The following DZIP3 variants were observed in gnomAD, a reference collection of about 807,000 sequenced individuals.
The protein encoded by DZIP3 is DAZ interacting zinc finger protein 3.
Under a neutral mutation model 162.0 loss-of-function variants are expected in DZIP3, and 118 were observed. The ratio of observed to expected loss-of-function variants is 0.73; its 90% CI spans 0.63 to 0.85. DZIP3 has a LOEUF of 0.85. DZIP3 is among the 40% of genes least tolerant of loss of function. The probability of loss-of-function intolerance (pLI) is 0.00; values close to 1 mark genes in which losing one functional copy is unlikely to be tolerated. For synonymous variants in DZIP3, 438 were observed against 458.6 expected, an observed-to-expected ratio of 0.96 and a Z score of 0.57; for missense variants, 1,331 against 1,407.0, an observed-to-expected ratio of 0.95 and a Z score of 0.86.
chr3:108,647,473 A>G (rs751904842), intron 15 of DZIP3, among the ~76,000 whole-genome samples: 2 of 152,184 alleles, frequency 1.3e-5, no homozygotes, highest in African/African-American at 2.4e-5. Flanking sequence ...CTGGGGCAAT[A>G]TCAAGGAGCA....
chr3:108,599,465 A>G (rs1394638444), intron 1 of DZIP3, among the ~76,000 whole-genome samples: 1 of 152,240 alleles, frequency 6.6e-6, no homozygotes, highest in East Asian at 1.9e-4. Flanking sequence ...GTTCATACTA[A>G]TTATTGCTAA....
chr3:108,609,608 G>A (rs1249179057), intron 3 of DZIP3, among the ~76,000 whole-genome samples: 1 of 152,154 alleles, frequency 6.6e-6, no homozygotes, highest in African/African-American at 2.4e-5. Context: ...AGGCTAATGT[G>A]GGCGGATTGA....
At chr3:108,602,651 G>A (rs763399223) in intron 1 of DZIP3, among the ~76,000 whole-genome samples, 68 of 152,110 alleles carry the variant, frequency 4.5e-4, no homozygotes, top group Admixed American at 8.5e-4. Flanking sequence ...TCATGTTAAC[G>A]CTTTCTTAAA....
intron 3 of DZIP3, among the ~76,000 whole-genome samples, chr3:108,608,514 TACAC>T (rs1168066021): frequency 6.6e-6 from 1 of 152,144 alleles, no homozygotes; most frequent in Non-Finnish European, 1.5e-5. Flanking sequence ...AAAACACACA[TACAC>T]ACATACAGAA....
chr3:108,626,346 G>T (rs1452723613), intron 7 of DZIP3, among the ~76,000 whole-genome samples: 1 of 152,096 alleles, frequency 6.6e-6, no homozygotes, highest in Non-Finnish European at 1.5e-5. Flanking sequence ...GGATTTTGCA[G>T]GTGATTAACA....
intron 5 of DZIP3, among the ~76,000 whole-genome samples, chr3:108,621,627 G>A (rs1317272552): frequency 6.6e-6 from 1 of 152,146 alleles, no homozygotes; most frequent in African/African-American, 2.4e-5. Context: ...GTGAGGATGT[G>A]GAGAAAAGAG....
At chr3:108,608,048 G>C in intron 2 of DZIP3, 41 bp from the exon 3 acceptor site, 1 of 1,497,926 alleles carries the variant, frequency 6.7e-7, no homozygotes, top group Non-Finnish European at 9.3e-7. Flanking sequence ...TGTTCTTTGT[G>C]AGAAGATGCT....
intron 21 of DZIP3, among the ~76,000 whole-genome samples, chr3:108,667,256 C>G (rs779064696): frequency 2.6e-5 from 4 of 151,916 alleles, no homozygotes; most frequent in Non-Finnish European, 5.9e-5. Context: ...ATAAAATTGA[C>G]AAACCTCTAG....
At chr3:108,623,163 A>T (rs895346637) in intron 5 of DZIP3, among the ~76,000 whole-genome samples, 9 of 151,944 alleles carry the variant, frequency 5.9e-5, no homozygotes, top group African/African-American at 1.9e-4. Flanking sequence ...GTTCTATCCC[A>T]CTGTGGCTGA....
At chr3:108,617,881 CT>C (rs1941103225) in intron 5 of DZIP3, among the ~76,000 whole-genome samples, 1 of 152,184 alleles carries the variant, frequency 6.6e-6, no homozygotes, top group African/African-American at 2.4e-5. Context: ...GCTTAGCCTT[CT>C]TTACTTAGAC....
intron 5 of DZIP3, among the ~76,000 whole-genome samples, chr3:108,621,170 T>C (rs993741262): frequency 3.9e-5 from 6 of 152,198 alleles, no homozygotes; most frequent in Non-Finnish European, 5.9e-5. Context: ...GTGTTCGTTA[T>C]ATTATTATTT....
In DZIP3 at chr3:108,633,086, C is replaced by G. The variant is rs1056097108; in HGVS notation, c.816+14C>G. On this transcript the variant is annotated intron_variant, in intron 9 of 32. Transcript: ENST00000361582. ...ACCAGTTATAAGGTACTGTAATTGT[C>G]AATTAACAGTATTTTTAAAAAGTAA... The G allele has an allele frequency of 7.5e-7, 1 of 1,333,650 alleles. No individual in the cohort carries two copies. The highest frequency in any genetic ancestry group is 2.9e-5 in the Admixed American group (1 of 34,520). The allele number at this position is 1,333,650 out of a possible 1,614,324, so 82.6% of individuals were successfully genotyped here.
intron 4 of DZIP3, among the ~76,000 whole-genome samples, chr3:108,613,637 C>T (rs1940843852): frequency 6.6e-6 from 1 of 152,138 alleles, no homozygotes; most frequent in Non-Finnish European, 1.5e-5. Context: ...CAGACTTGCT[C>T]TAATTGAGAC....
chr3:108,672,808 G>A (rs937222279), intron 23 of DZIP3, 152 bp downstream of exon 23: 2 of 655,840 alleles, frequency 3.0e-6, no homozygotes, highest in Non-Finnish European at 5.2e-6. Context: ...AAAGTCTTGT[G>A]CTTTTTTGAC....
At chr3:108,639,042 T>C (rs956941830) in intron 12 of DZIP3, among the ~76,000 whole-genome samples, 66 of 152,212 alleles carry the variant, frequency 4.3e-4, no homozygotes, top group African/African-American at 1.6e-3. Flanking sequence ...GTATATCTAG[T>C]TTACTATTTG....
In DZIP3 at chr3:108,601,221, T is replaced by C. The variant is rs146230873; in HGVS notation, c.-72-4114T>C. ...AGGGATACTTGGCAATATCTGGAGATATCGTTGATTGCCACAATGGGGCTG... is the reference window on the plus strand; with the variant it reads ...AGGGATACTTGGCAATATCTGGAGACATCGTTGATTGCCACAATGGGGCTG... On this transcript the variant is annotated intron_variant, in intron 1 of 32. Transcript: ENST00000361582. 4.6e-3 allele frequency among the ~76,000 whole-genome samples: 706 copies of C among 152,248 alleles called. 5 individuals carry two copies. Among genetic ancestry groups the C allele is most frequent in the African/African-American group, 0.016 (674 of 41,548 alleles).
At chr3:108,684,155 A>G (rs1469798318) in intron 26 of DZIP3, 61 bp from the exon 27 acceptor site, 6 of 1,528,616 alleles carry the variant, frequency 3.9e-6, no homozygotes, top group Admixed American at 2.1e-5. Context: ...GATTGCCTAA[A>G]TAAATATATA....
intron 12 of DZIP3, among the ~76,000 whole-genome samples, chr3:108,641,005 C>A (rs1451884970): frequency 1.3e-5 from 2 of 151,844 alleles, no homozygotes; most frequent in African/African-American, 4.8e-5. Flanking sequence ...TGGAAATCTA[C>A]TGTCTTCCTT....
chr3:108,590,161 A>T (rs1939303994), intron 1 of DZIP3: 1 of 152,212 alleles, frequency 6.6e-6, no homozygotes, highest in Non-Finnish European at 1.5e-5. Flanking sequence ...ATGTCTACGA[A>T]AATGGCACTA....
Sources: allele counts gnomAD v4.1 joint callset (sites outside exome capture counted in the v4.1 genomes callset), GRCh38; gene constraint gnomAD v4.1.1; transcripts MANE v1.5; gene names NCBI Gene and HGNC (gene_info 2026-07-23, HGNC 2026-07-21).